The following PDE4D variants were observed in gnomAD, a reference collection of about 807,000 sequenced individuals.
The protein encoded by PDE4D is phosphodiesterase 4D, also known as 3',5'-cyclic-AMP phosphodiesterase 4D.
Under a neutral mutation model 87.4 loss-of-function variants are expected in PDE4D, and 24 were observed. The observed-to-expected ratio is 0.27, with a 90% CI of 0.20 to 0.39. The LOEUF (loss-of-function observed/expected upper bound fraction) is 0.39. PDE4D is among the 10% of genes least tolerant of loss of function. PDE4D has a pLI of 1.00. For missense variants in PDE4D, 714 were observed against 1,041.0 expected (o/e 0.69, Z 4.32); for synonymous variants, 384 against 383.2 (o/e 1.00, Z -0.02).
intron 1 of PDE4D, among the ~76,000 whole-genome samples, chr5:59,716,113 T>C (rs1430400501): frequency 6.6e-6 from 1 of 152,146 alleles, no homozygotes; most frequent in African/African-American, 2.4e-5. Context: ...CTCTCAAAAA[T>C]AGGCCGAAGC....
intron 1 of PDE4D, chr5:59,314,269 C>T (rs1561939028): frequency 6.6e-6 from 1 of 152,048 alleles, no homozygotes; most frequent in Non-Finnish European, 1.5e-5. Context: ...AGATAACACC[C>T]AACATACAGG....
At chr5:59,969,143 C>T (rs1185334481) in intron 3 of PDE4D, among the ~76,000 whole-genome samples, 1 of 152,152 alleles carries the variant, frequency 6.6e-6, no homozygotes, top group Non-Finnish European at 1.5e-5. Context: ...AATATTACTG[C>T]ATGTGCAACT....
intron 2 of PDE4D, among the ~76,000 whole-genome samples, chr5:60,150,066 T>G (rs1781372118): frequency 6.8e-6 from 1 of 147,844 alleles, no homozygotes; most frequent in Non-Finnish European, 1.5e-5. Context: ...TACTAGTATA[T>G]ATGACTAGTA....
At position 59,251,842 on chromosome 5, in the gene PDE4D, A is replaced by G. The variant is rs1439948155; in HGVS notation, c.456-35874T>C. ...AAATTTACACCAAGGAATACCATGCAGCCATAAAAAAGAATGAGATCATGT... is the reference window on the plus strand; with the variant it reads ...AAATTTACACCAAGGAATACCATGCGGCCATAAAAAAGAATGAGATCATGT... On this transcript the variant is annotated intron_variant, in intron 1 of 14. Coordinates refer to ENST00000340635, the MANE Select transcript of PDE4D (RefSeq NM_001104631.2). Among the ~76,000 whole-genome samples the G allele has an allele frequency of 1.1e-4, 17 of 152,216 alleles. 1 individual carries two copies. Among genetic ancestry groups the G allele is most frequent in the Admixed American group, 1.1e-3 (17 of 15,274 alleles).
chr5:59,766,764 C>A (rs1186040449), intron 1 of PDE4D, among the ~76,000 whole-genome samples: 1 of 152,252 alleles, frequency 6.6e-6, no homozygotes, highest in Non-Finnish European at 1.5e-5. Flanking sequence ...TCATGCCTTT[C>A]TTTTATTCAC....
intron 1 of PDE4D, among the ~76,000 whole-genome samples, chr5:59,739,556 ATAAAT>A (rs1758561862): frequency 6.6e-6 from 1 of 152,238 alleles, no homozygotes. Flanking sequence ...ATCAATTGAG[ATAAAT>A]TAGATTTTAT....
rs564574013 is a variant in PDE4D, at chr5:59,057,481, T to C, written c.809-18510A>G. Among the ~76,000 whole-genome samples the C allele has an allele frequency of 9.2e-5, 14 of 152,356 alleles. No homozygotes were observed. In the South Asian group the frequency reaches 2.9e-3, roughly 32 times the overall value. ...GTGCCTGAAAAATAGCAAGTGGTCC[T>C]AAAGTCACTATGATGATGAATTTTA... On this transcript the variant is annotated intron_variant, in intron 5 of 14. Transcript: ENST00000340635.
intron 1 of PDE4D, among the ~76,000 whole-genome samples, chr5:59,445,625 T>C (rs1798233173): frequency 6.6e-6 from 1 of 152,240 alleles, no homozygotes; most frequent in Non-Finnish European, 1.5e-5. Flanking sequence ...TAACAGAATG[T>C]AGCCTTTTTG....
chr5:59,223,748 T>C (rs888311044), intron 1 of PDE4D, among the ~76,000 whole-genome samples: 1 of 152,140 alleles, frequency 6.6e-6, no homozygotes, highest in Admixed American at 6.6e-5. Context: ...TCTATGGAGA[T>C]GAGACTGTAG....
At chr5:59,455,124 A>C (rs1799718683) in intron 1 of PDE4D, among the ~76,000 whole-genome samples, 1 of 152,224 alleles carries the variant, frequency 6.6e-6, no homozygotes, top group Non-Finnish European at 1.5e-5. Flanking sequence ...AGCTGCAGAA[A>C]TCTGCACAAG....
At chr5:59,187,100 C>CAG (rs138697502) in intron 3 of PDE4D, among the ~76,000 whole-genome samples, 3,413 of 152,140 alleles carry the variant, frequency 0.022, 139 homozygotes, top group African/African-American at 0.078. Flanking sequence ...AAGTTCATTG[C>CAG]AGTTGACAGC....
chr5:60,463,864 T>G (rs1248303312), intron 1 of PDE4D, among the ~76,000 whole-genome samples: 1 of 152,222 alleles, frequency 6.6e-6, no homozygotes, highest in African/African-American at 2.4e-5. Context: ...TTGACTTTCA[T>G]GAGAAACTAC....
At chr5:59,715,569 A>T (rs1169730592) in intron 1 of PDE4D, among the ~76,000 whole-genome samples, 1 of 141,234 alleles carries the variant, frequency 7.1e-6, no homozygotes, top group Non-Finnish European at 1.6e-5. Context: ...AAGAGGTGAC[A>T]CATATGATAA....
At chr5:60,445,310 A>G (rs1322778330) in intron 1 of PDE4D, among the ~76,000 whole-genome samples, 1 of 152,228 alleles carries the variant, frequency 6.6e-6, no homozygotes, top group East Asian at 1.9e-4. Context: ...AGAGAAATCA[A>G]TGAATTATAT....
chr5:59,590,599 G>A (rs780517075), intron 1 of PDE4D, among the ~76,000 whole-genome samples: 2 of 152,066 alleles, frequency 1.3e-5, no homozygotes, highest in African/African-American at 2.4e-5. Flanking sequence ...ACAGGAGTGC[G>A]AATTATTAGC....
At chr5:59,363,531 T>A (rs78743769) in intron 1 of PDE4D, among the ~76,000 whole-genome samples, 3 of 152,186 alleles carry the variant, frequency 2.0e-5, no homozygotes, top group Non-Finnish European at 4.4e-5. Context: ...AATTAAATCA[T>A]AAGAGAAGTT....
At chr5:59,897,736 CAT>C (rs1449333487), upstream of PDE4D, among the ~76,000 whole-genome samples, 2 of 152,012 alleles carry the variant, frequency 1.3e-5, no homozygotes. Flanking sequence ...TACTTGAGCA[CAT>C]GAGTGCTACT....
At chr5:59,053,645 GTTTTTTTTTGTTGTTGTTT>G (rs1761897780) in intron 5 of PDE4D, among the ~76,000 whole-genome samples, 1 of 68,794 alleles carries the variant, frequency 1.5e-5, no homozygotes, top group Middle Eastern at 9.3e-3. Flanking sequence ...TTTGTTTTTT[GTTTTTTTTTGTTGTTGTTT>G]TTTTTTTTTG....
At chr5:59,667,962 T>C (rs1580280111) in intron 1 of PDE4D, among the ~76,000 whole-genome samples, 1 of 152,238 alleles carries the variant, frequency 6.6e-6, no homozygotes, top group Non-Finnish European at 1.5e-5. Flanking sequence ...TTTTTGCCCT[T>C]GTCCAGTATT....
Sources: gnomAD v4.1 joint callset for allele counts (sites outside exome capture counted in the v4.1 genomes callset) on GRCh38, gnomAD v4.1.1 for gene constraint, MANE v1.5 for transcripts, NCBI Gene and HGNC (gene_info 2026-07-23, HGNC 2026-07-21) for gene names.